OCA2: variants seen among roughly 807,000 people sequenced by gnomAD.
OCA2 encodes the protein P protein.
In OCA2, 77 loss-of-function variants were observed where a neutral mutation model predicts 100.2. That is an observed-to-expected ratio of 0.77 (90% CI 0.64 to 0.93). The LOEUF (loss-of-function observed/expected upper bound fraction) is 0.93, where lower values mean the gene tolerates loss of function less well. OCA2 is among the 40% of genes least tolerant of loss of function. The probability of loss-of-function intolerance (pLI) is 0.00; values close to 1 mark genes in which losing one functional copy is unlikely to be tolerated. For missense variants in OCA2, 1,062 were observed against 1,089.1 expected, an observed-to-expected ratio of 0.98 and a Z score of 0.35; for synonymous variants, 432 against 439.2, an observed-to-expected ratio of 0.98 and a Z score of 0.21.
intron 15 of OCA2, 29 bp downstream of exon 15, chr15:27,966,661 A>G (rs1360582520): frequency 1.2e-6 from 2 of 1,612,620 alleles, no homozygotes; most frequent in African/African-American, 2.7e-5. Flanking sequence ...ATGAAATCTG[A>G]GCCTACATGA....
chr15:28,096,385 T>G (rs573469240), intron 1 of OCA2, among the ~76,000 whole-genome samples: 1 of 152,324 alleles, frequency 6.6e-6, no homozygotes, highest in African/African-American at 2.4e-5. Flanking sequence ...GGCGTAGCCG[T>G]GTCTCGGGAG....
At chr15:28,027,223 A>G (rs1479486824) in intron 4 of OCA2, among the ~76,000 whole-genome samples, 2 of 152,036 alleles carry the variant, frequency 1.3e-5, no homozygotes, top group Non-Finnish European at 2.9e-5. Flanking sequence ...AGGCCTACAC[A>G]CGCATGCGTA....
chr15:27,972,035 C>T (rs1312792235), intron 14 of OCA2, among the ~76,000 whole-genome samples: 1 of 152,192 alleles, frequency 6.6e-6, no homozygotes, highest in African/African-American at 2.4e-5. Context: ...TGCATACTCA[C>T]AACTTAGCTC....
At chr15:27,924,175 C>G (rs572048078) in intron 19 of OCA2, among the ~76,000 whole-genome samples, 1 of 152,050 alleles carries the variant, frequency 6.6e-6, no homozygotes, top group African/African-American at 2.4e-5. Context: ...CATAGGTGTA[C>G]AGCCTTATTT....
rs564296255 is a variant in OCA2, at chr15:27,880,992, G to A, written c.2080-9070C>T. Reference sequence around the variant, plus strand: ...CTTGTCTAGTATGATACTGGCTGTGGGTTTGTCATAAATGATTCTTATTAT... The same window carrying A: ...CTTGTCTAGTATGATACTGGCTGTGAGTTTGTCATAAATGATTCTTATTAT... On this transcript the variant is annotated intron_variant, in intron 19 of 23. Coordinates refer to ENST00000354638, the MANE Select transcript of OCA2 (RefSeq NM_000275.3). Among the ~76,000 whole-genome samples the A allele has an allele frequency of 4.6e-4, 70 of 152,206 alleles. 2 individuals are homozygous for A. In the Middle Eastern group the frequency reaches 0.024, roughly 52 times the overall value.
At chr15:28,019,372 GT>G (rs2042516676) in intron 6 of OCA2, among the ~76,000 whole-genome samples, 1 of 152,032 alleles carries the variant, frequency 6.6e-6, no homozygotes, top group African/African-American at 2.4e-5. Flanking sequence ...AACTGACCTG[GT>G]TGTAGAGGTT....
At chr15:27,848,675 C>A (rs2035624766) in intron 22 of OCA2, among the ~76,000 whole-genome samples, 1 of 152,212 alleles carries the variant, frequency 6.6e-6, no homozygotes, top group South Asian at 2.1e-4. Context: ...AAGAATCGAA[C>A]CTCCAGGGTA....
At chr15:27,862,641 A>C (rs2036180678) in intron 21 of OCA2, among the ~76,000 whole-genome samples, 1 of 151,918 alleles carries the variant, frequency 6.6e-6, no homozygotes, top group African/African-American at 2.4e-5. Flanking sequence ...TGCCCAGCTA[A>C]TGTTTGTATT....
chr15:28,060,626 G>C (rs1400654748), intron 2 of OCA2, among the ~76,000 whole-genome samples: 1 of 152,200 alleles, frequency 6.6e-6, no homozygotes, highest in Non-Finnish European at 1.5e-5. Context: ...AATATTTTCA[G>C]AACTTTGGAA....
intron 3 of OCA2, among the ~76,000 whole-genome samples, chr15:28,028,624 A>G (rs2042825747): frequency 6.6e-6 from 1 of 152,140 alleles, no homozygotes; most frequent in Admixed American, 6.5e-5. Context: ...GGGAATCATA[A>G]ACTTTTCTCA....
chr15:27,785,632 C>A (rs1452091274), intron 23 of OCA2, among the ~76,000 whole-genome samples: 2 of 152,094 alleles, frequency 1.3e-5, no homozygotes, highest in African/African-American at 4.8e-5. Flanking sequence ...AATGCTTGTG[C>A]ACAGCTAGGG....
intron 19 of OCA2, among the ~76,000 whole-genome samples, chr15:27,887,436 C>T (rs978215272): frequency 6.6e-6 from 1 of 151,268 alleles, no homozygotes; most frequent in African/African-American, 2.4e-5. Context: ...AATAAAAGCC[C>T]TGCCAGCAAA....
chr15:27,811,733 C>T (rs1409130162), intron 23 of OCA2, among the ~76,000 whole-genome samples: 1 of 152,184 alleles, frequency 6.6e-6, no homozygotes, highest in Non-Finnish European at 1.5e-5. Flanking sequence ...TGCCCCTGTA[C>T]CTCGGTCTGG....
intron 18 of OCA2, chr15:27,950,624 C>T: frequency 1.0e-5 from 5 of 482,746 alleles, no homozygotes; most frequent in South Asian, 6.1e-5. Context: ...AAATACATAA[C>T]ACAAAGCTGG....
chr15:27,947,723 A>T (rs2039891694), intron 18 of OCA2, among the ~76,000 whole-genome samples: 1 of 151,754 alleles, frequency 6.6e-6, no homozygotes, highest in Admixed American at 6.6e-5. Flanking sequence ...GCTCTACTCA[A>T]CCCCACAGAC....
intron 2 of OCA2, among the ~76,000 whole-genome samples, chr15:28,057,180 G>A (rs2043727696): frequency 6.6e-6 from 1 of 152,204 alleles, no homozygotes. Context: ...AATAGGAAAT[G>A]CATTTAGACT....
the OCA2 span, among the ~76,000 whole-genome samples, chr15:27,746,442 CAG>C: frequency 6.6e-6 from 1 of 150,396 alleles, no homozygotes; most frequent in South Asian, 2.1e-4. Context: ...GCCTGGGTGA[CAG>C]AGCAAGACTC....
At chr15:27,913,838 GGAAAGAAAGAAAGAAAGAAAGAAA>G (rs367919609) in intron 19 of OCA2, among the ~76,000 whole-genome samples, 1 of 37,062 alleles carries the variant, frequency 2.7e-5, no homozygotes, top group Admixed American at 3.9e-4. Context: ...AAGAAAGAAA[GGAAAGAAAGAAAGAAAGAAAGAAA>G]GAAAGAAAGA....
intron 5 of OCA2, among the ~76,000 whole-genome samples, chr15:28,022,832 A>G (rs1474599814): frequency 6.6e-6 from 1 of 152,200 alleles, no homozygotes; most frequent in Non-Finnish European, 1.5e-5. Context: ...AAATCATCGA[A>G]GAAGGATAAA....
Sources: gnomAD v4.1 joint callset for allele counts (sites outside exome capture counted in the v4.1 genomes callset) on GRCh38, gnomAD v4.1.1 for gene constraint, MANE v1.5 for transcripts, NCBI Gene and HGNC (gene_info 2026-07-23, HGNC 2026-07-21) for gene names.